Variants in ZNF454 observed in about 807,000 individuals in gnomAD.
ZNF454 encodes the protein zinc finger protein 454.
ZNF454 carries 30 observed loss-of-function variants against 48.2 expected under a neutral mutation model. The observed-to-expected ratio is 0.62, with a 90% CI of 0.47 to 0.84. ZNF454 has a LOEUF of 0.84. Among genes scored for constraint, ZNF454 ranks in the 40% least tolerant of loss-of-function variants. ZNF454 has a pLI of 0.00. For synonymous variants in ZNF454, 204 were observed against 211.4 expected (o/e 0.97, Z 0.30); for missense variants, 510 against 623.1 (o/e 0.82, Z 1.93).
At chr5:178,981,690 T>C in the ZNF454 span, 1 of 1,613,852 alleles carries the variant, frequency 6.2e-7, no homozygotes, top group Non-Finnish European at 8.5e-7. This position sits in a 1 kb window ranked among gnomAD's most constrained non-coding sequence, Gnocchi z 5.1. Flanking sequence ...CGCCCTTGGG[T>C]GGGGCTGCCA....
chr5:178,956,671 T>TTTAA (rs1460715706), intron 4 of ZNF454, among the ~76,000 whole-genome samples: 1 of 120,988 alleles, frequency 8.3e-6, no homozygotes, highest in African/African-American at 3.0e-5. Context: ...TTTTATTTTA[T>TTTAA]TTAATTTATT....
chr5:178,949,356 T>C (rs1008627243), intron 4 of ZNF454, among the ~76,000 whole-genome samples: 2 of 152,086 alleles, frequency 1.3e-5, no homozygotes, highest in African/African-American at 2.4e-5. Flanking sequence ...CTGGTCTTTT[T>C]TTTTAGTAGT....
At chr5:178,984,933 T>C in the ZNF454 span, among the ~76,000 whole-genome samples, 1 of 152,094 alleles carries the variant, frequency 6.6e-6, no homozygotes, top group African/African-American at 2.4e-5. Context: ...CCCCAAGCCA[T>C]CTGTCTCTCG....
the ZNF454 span, chr5:178,989,521 GC>G: frequency 7.5e-7 from 1 of 1,331,370 alleles, no homozygotes; most frequent in African/African-American, 1.5e-5. Flanking sequence ...GCTAGGAGTG[GC>G]CAGGTGAACT....
At chr5:178,988,905 A>T in the ZNF454 span, 1 of 1,582,058 alleles carries the variant, frequency 6.3e-7, no homozygotes. The surrounding 1 kb of genome is among the most constrained non-coding windows in gnomAD (Gnocchi z 6.0). Context: ...GCTGTCCTTC[A>T]CTGCTGCAGG....
At chr5:178,976,920 A>G in the ZNF454 span, among the ~76,000 whole-genome samples, 2 of 152,204 alleles carry the variant, frequency 1.3e-5, no homozygotes, top group African/African-American at 2.4e-5. Flanking sequence ...AATCTGGCAG[A>G]TTGTATCAGT....
chr5:178,941,254 A>T lies in ZNF454; in HGVS notation c.-298A>T, dbSNP rs1257933578. The T allele has an allele frequency of 2.5e-6, 1 of 393,866 alleles. No individual in the cohort carries two copies. Among genetic ancestry groups the T allele is most frequent in the Non-Finnish European group, 5.1e-6 (1 of 195,552 alleles). The allele number at this position is 393,866 out of a possible 1,614,324, so 24.4% of individuals were successfully genotyped here. Reference sequence around the variant, plus strand: ...TTCTGACTGCGATGTGGCGCTTGCGATCTCTCGCCGCCGGCAGAGGCTCCT... The same window carrying T: ...TTCTGACTGCGATGTGGCGCTTGCGTTCTCTCGCCGCCGGCAGAGGCTCCT... On this transcript the variant is annotated 5_prime_UTR_variant, in exon 1 of 5. Coordinates refer to ENST00000519564, the MANE Select transcript of ZNF454 (RefSeq NM_001178089.3). The surrounding 1 kb of genome is among the most constrained non-coding windows in gnomAD (Gnocchi z 5.5).
chr5:178,941,541 C>T lies in ZNF454; in HGVS notation c.-108+97C>T, dbSNP rs564166246. ...GTGAGTGCCTGTGGAGGAGATGGAG[C>T]CAGGGCCTCTGGCATGTGTCTTGGA... On this transcript the variant is annotated intron_variant, in intron 1 of 4. Transcript: ENST00000519564. This position sits in a 1 kb window ranked among gnomAD's most constrained non-coding sequence, Gnocchi z 5.5. 6 of 455,648 alleles carry T rather than the reference C, an allele frequency of 1.3e-5. No individual in the cohort carries two copies. Among genetic ancestry groups the T allele is most frequent in the Admixed American group, 4.7e-5 (2 of 42,534 alleles). 28.2% of individuals were successfully genotyped at this position (455,648 alleles called of 1,614,324 possible).
intron 4 of ZNF454, among the ~76,000 whole-genome samples, chr5:178,947,950 T>C (rs1759403363): frequency 6.6e-6 from 1 of 152,214 alleles, no homozygotes; most frequent in Non-Finnish European, 1.5e-5. Flanking sequence ...AGCCTCGCTG[T>C]GTCACCCAGG....
chr5:178,948,866 T>C (rs939124806), intron 4 of ZNF454, among the ~76,000 whole-genome samples: 1 of 148,510 alleles, frequency 6.7e-6, no homozygotes, highest in Non-Finnish European at 1.5e-5. Flanking sequence ...AAATAATAAA[T>C]TTACATAATG....
intron 4 of ZNF454, among the ~76,000 whole-genome samples, chr5:178,957,107 CT>C (rs1425651406): frequency 3.3e-5 from 5 of 152,146 alleles, no homozygotes; most frequent in African/African-American, 9.7e-5. Flanking sequence ...TGGTCTCGAT[CT>C]CTTGACCTCG....
chr5:178,986,570 T>C, the ZNF454 span: 4 of 1,607,516 alleles, frequency 2.5e-6, no homozygotes, highest in African/African-American at 4.0e-5. Context: ...GTGGGCCTCA[T>C]GTCCCCAGGA....
chr5:178,977,396 C>T, the ZNF454 span: 30 of 455,802 alleles, frequency 6.6e-5, no homozygotes, highest in African/African-American at 3.8e-4. Context: ...AAGCAGGCAG[C>T]CCTCACCAAA....
chr5:178,960,934 CTT>C (rs35611675), intron 4 of ZNF454, among the ~76,000 whole-genome samples: 15 of 139,462 alleles, frequency 1.1e-4, no homozygotes, highest in East Asian at 2.3e-4. Flanking sequence ...GTCTCACAAT[CTT>C]TTTTTTTTTT....
the ZNF454 span, chr5:178,989,224 T>TGGG: frequency 1.2e-6 from 1 of 826,422 alleles, no homozygotes; most frequent in South Asian, 1.6e-5. Flanking sequence ...CTCACCACCC[T>TGGG]CCCCACCCTC....
rs1030273006 is a variant in ZNF454 at position 178,941,548 on chromosome 5, C to A, written c.-108+104C>A. On this transcript the variant is annotated intron_variant, in intron 1 of 4. Transcript: ENST00000519564. This position sits in a 1 kb window ranked among gnomAD's most constrained non-coding sequence, Gnocchi z 5.5. ...CCTGTGGAGGAGATGGAGCCAGGGC[C>A]TCTGGCATGTGTCTTGGAGCGGACT... 4.4e-6 allele frequency: 2 copies of A among 455,098 alleles called. No individual in the cohort carries two copies. Among genetic ancestry groups the A allele is most frequent in the African/African-American group, 4.0e-5 (2 of 50,050 alleles). 28.2% of individuals were successfully genotyped at this position (455,098 alleles called of 1,614,324 possible). A position where few individuals can be genotyped will look rare whatever the true frequency, so the allele number is the denominator to read the frequency against.
chr5:178,985,951 A>G, the ZNF454 span, among the ~76,000 whole-genome samples: 1 of 152,128 alleles, frequency 6.6e-6, no homozygotes, highest in Non-Finnish European at 1.5e-5. Context: ...TTGCAGAGAC[A>G]GGGTCATGCC....
rs1370121625 is a variant in ZNF454 at position 178,964,876 on chromosome 5, A to T, written c.472A>T (p.Thr158Ser). ...ACAGGAATGTGATGAATCCGGGAGCACTATGAGCTCATCTCTTCACAGTGA... is the reference window on the plus strand; with the variant it reads ...ACAGGAATGTGATGAATCCGGGAGCTCTATGAGCTCATCTCTTCACAGTGA... ...PSQECDESGS[T>S]MSSSLHSDQS... The change falls in exon 5 of 5, where the codon ACT becomes TCT. Residue 158 changes from threonine (T) to serine (S), a missense_variant. By Grantham distance (58) the Thr-to-Ser change is moderately conservative. This residue lies in a region of ZNF454 where 354 missense variants were observed against 408.9 expected (regional missense o/e 0.87). Coordinates refer to ENST00000519564, the MANE Select transcript of ZNF454 (RefSeq NM_001178089.3). The T allele has an allele frequency of 2.5e-6, 4 of 1,614,122 alleles. No homozygotes were observed. The East Asian group carries it at 6.7e-5, about 27-fold the overall frequency.
At chr5:178,974,644 C>T in the ZNF454 span, among the ~76,000 whole-genome samples, 1 of 152,072 alleles carries the variant, frequency 6.6e-6, no homozygotes, top group East Asian at 1.9e-4. Flanking sequence ...CTTACCATTA[C>T]TGCATGAGAG....
Sources: allele counts gnomAD v4.1 joint callset (sites outside exome capture counted in the v4.1 genomes callset), GRCh38; gene constraint gnomAD v4.1.1; regional missense constraint gnomAD v4.1.1; non-coding constraint Gnocchi (gnomAD v3.1); transcripts MANE v1.5; gene names NCBI Gene and HGNC (gene_info 2026-07-23, HGNC 2026-07-21).